The following NID2 variants were observed in gnomAD, a reference collection of about 807,000 sequenced individuals.
NID2 encodes nidogen-2.
Under a neutral mutation model 145.4 loss-of-function variants are expected in NID2, and 83 were observed. The observed-to-expected ratio is 0.57, with a 90% CI of 0.48 to 0.69. The LOEUF (loss-of-function observed/expected upper bound fraction) is 0.69. Among genes scored for constraint, NID2 ranks in the 30% least tolerant of loss-of-function variants. The probability of loss-of-function intolerance (pLI) is 0.00; values close to 1 mark genes in which losing one functional copy is unlikely to be tolerated. For missense variants in NID2, 1,807 were observed against 1,765.7 expected, an observed-to-expected ratio of 1.02 and a Z score of -0.42; for synonymous variants, 739 against 701.3, an observed-to-expected ratio of 1.05 and a Z score of -0.85.
rs1853191626 is a variant in NID2 at position 52,014,267 on chromosome 14, A to G, written c.3420+20T>C. The G allele has an allele frequency of 1.2e-6, 2 of 1,614,032 alleles. No individual in the cohort carries two copies. Among genetic ancestry groups the G allele is most frequent in the African/African-American group, 1.3e-5 (1 of 74,930 alleles). On this transcript the variant is annotated intron_variant, in intron 16 of 21. Coordinates refer to ENST00000216286, the MANE Select transcript of NID2 (RefSeq NM_007361.4). ...GGAAAGCCACGCAGCCCTGCCCCCTACAGGAGAAATCCACTTTACATGCAG... is the reference window on the plus strand; with the variant it reads ...GGAAAGCCACGCAGCCCTGCCCCCTGCAGGAGAAATCCACTTTACATGCAG...
At chr14:52,019,902 A>C (rs751678173) in intron 13 of NID2, among the ~76,000 whole-genome samples, 157 bp downstream of exon 13, 2 of 152,238 alleles carry the variant, frequency 1.3e-5, no homozygotes, top group Non-Finnish European at 2.9e-5. Flanking sequence ...AACTATCAGT[A>C]AACTAGGCAG....
At chr14:52,014,787 T>G (rs1891157892) in intron 15 of NID2, among the ~76,000 whole-genome samples, 1 of 151,904 alleles carries the variant, frequency 6.6e-6, no homozygotes, top group South Asian at 2.1e-4. Context: ...ACGTGTCCCC[T>G]GTCACCCTGG....
intron 18 of NID2, chr14:52,010,170 C>G (rs1031419885): frequency 2.0e-5 from 3 of 152,134 alleles, no homozygotes; most frequent in Admixed American, 6.5e-5. Context: ...AGGCACTGCA[C>G]TAAGTATTTC....
chr14:52,032,450 C>T (rs35392350), intron 9 of NID2, among the ~76,000 whole-genome samples: 13,999 of 152,124 alleles, frequency 0.092, 697 homozygotes, highest in Middle Eastern at 0.14. Flanking sequence ...AAAGAGGCAC[C>T]GCACTGGGGT....
chr14:52,027,468 C>T (rs1566752895), intron 11 of NID2, 124 bp from the exon 12 acceptor site: 1 of 756,498 alleles, frequency 1.3e-6, no homozygotes, highest in Non-Finnish European at 1.9e-6. Context: ...CAGACCCTAC[C>T]CAAGGTCCAG....
At chr14:52,015,381 C>T (rs1381257210) in intron 14 of NID2, 106 bp from the exon 15 acceptor site, 2 of 1,080,490 alleles carry the variant, frequency 1.9e-6, no homozygotes, top group Non-Finnish European at 2.7e-6. Flanking sequence ...GGCCTTCCTT[C>T]TCCTACTGTC....
chr14:52,057,765 T>C (rs1055544761), intron 3 of NID2, among the ~76,000 whole-genome samples: 4 of 147,750 alleles, frequency 2.7e-5, no homozygotes, highest in African/African-American at 1.0e-4. Context: ...AAAATGAATA[T>C]GGCAAAATGT....
At chr14:52,015,433 A>C (rs1891185483) in intron 14 of NID2, among the ~76,000 whole-genome samples, 158 bp from the exon 15 acceptor site, 1 of 152,176 alleles carries the variant, frequency 6.6e-6, no homozygotes, top group African/African-American at 2.4e-5. Flanking sequence ...TTGGGAAGCA[A>C]ATGTGTTCTA....
Position 52,042,900 on chromosome 14 carries a change from G to T in NID2, c.1461C>A (p.Thr487=). 6.2e-7 allele frequency: 1 copy of T among 1,614,196 alleles called. No individual in the cohort carries two copies. Among genetic ancestry groups the T allele is most frequent in the Non-Finnish European group, 8.5e-7 (1 of 1,180,042 alleles). ...VFTYNAANKE[T]CEHNHRQCSR... Reference sequence around the variant, plus strand: ...AGCATTGTCTGTGGTTGTGTTCACAGGTTTCCTTGTTGGCAGCATTATACG... The same window carrying T: ...AGCATTGTCTGTGGTTGTGTTCACATGTTTCCTTGTTGGCAGCATTATACG... The change falls in exon 6 of 22, where the codon ACC becomes ACA. Residue 487 remains threonine (T), a synonymous_variant. Coordinates refer to ENST00000216286, the MANE Select transcript of NID2 (RefSeq NM_007361.4).
At chr14:52,065,456 C>CTT (rs59908743) in intron 2 of NID2, among the ~76,000 whole-genome samples, 2,269 of 128,608 alleles carry the variant, frequency 0.018, 65 homozygotes, top group Admixed American at 0.05. Context: ...ATCCTCCTTT[C>CTT]TTTTTTTTTT....
intron 9 of NID2, among the ~76,000 whole-genome samples, chr14:52,034,048 G>A (rs990018319): frequency 6.6e-6 from 1 of 152,142 alleles, no homozygotes; most frequent in Non-Finnish European, 1.5e-5. Context: ...AGGTCATTGT[G>A]GGGATTAAAT....
chr14:52,035,878 A>ATATATTTATATT (rs58318209), intron 9 of NID2, among the ~76,000 whole-genome samples: 13 of 135,196 alleles, frequency 9.6e-5, no homozygotes, highest in African/African-American at 1.7e-4. Flanking sequence ...ATATATATAT[A>ATATATTTATATT]TGTTTTATTT....
At position 52,054,087 on chromosome 14, in the gene NID2, C is replaced by T. The variant is rs909967770; in HGVS notation, c.1002G>A (p.Glu334=). 1 of 1,614,052 alleles carries T rather than the reference C, an allele frequency of 6.2e-7. No individual in the cohort carries two copies. The highest frequency in any genetic ancestry group is 8.5e-7 in the Non-Finnish European group (1 of 1,180,032). The stretch of plus-strand genomic sequence containing the variant: ...CAATGCTGCTGTGGCCATTCAATGC[C>T]TCCTCTGGTTCACCCGGAAGGTATT... The part of the protein sequence containing the change: ...EAEYLPGEPE[E]ALNGHSSIDV... Residue 334 remains glutamate, a synonymous_variant, in exon 4 of 22, where the codon GAG becomes GAA. Coordinates refer to ENST00000216286, the MANE Select transcript of NID2 (RefSeq NM_007361.4).
chr14:52,049,271 GA>G (rs1167711696), intron 5 of NID2, among the ~76,000 whole-genome samples: 2 of 151,910 alleles, frequency 1.3e-5, no homozygotes, highest in Non-Finnish European at 2.9e-5. Flanking sequence ...AGGAAAGAAA[GA>G]AATGCCCTGC....
At position 52,060,156 on chromosome 14, in the gene NID2, A is replaced by C. The variant is rs747643477; in HGVS notation, c.735T>G (p.Thr245=). The part of the protein sequence containing the change: ...LKSEGPYFSL[T]STEQSVKNLY... ...GATTTTTCACAGACTGTTCAGTGCT[A>C]GTCAAGCTGAAATATGGTCCTTCTG... is the stretch of plus-strand genomic sequence containing the variant. The change falls in exon 3 of 22, where the codon ACT becomes ACG. Residue 245 remains threonine (T), a synonymous_variant. Transcript: ENST00000216286. The C allele has an allele frequency of 1.2e-6, 2 of 1,613,826 alleles. No homozygotes were observed. Among genetic ancestry groups the C allele is most frequent in the Non-Finnish European group, 1.7e-6 (2 of 1,179,758 alleles).
chr14:52,030,683 GAAAAGA>G (rs1744341482), intron 9 of NID2, among the ~76,000 whole-genome samples: 2 of 150,956 alleles, frequency 1.3e-5, no homozygotes, highest in African/African-American at 4.9e-5. Flanking sequence ...GAAAGAAAAG[GAAAAGA>G]AAAGAAAGAA....
At chr14:52,014,235 C>T (rs181148678) in intron 16 of NID2, 52 bp downstream of exon 16, 28 of 1,608,618 alleles carry the variant, frequency 1.7e-5, no homozygotes, top group African/African-American at 1.5e-4. Flanking sequence ...TGAGGTGGCT[C>T]CCACTGGGAA....
chr14:52,039,155 AC>A (rs1892185634), intron 8 of NID2, among the ~76,000 whole-genome samples, 178 bp from the exon 9 acceptor site: 1 of 152,222 alleles, frequency 6.6e-6, no homozygotes, highest in Admixed American at 6.5e-5. Flanking sequence ...ATGCAAAGCC[AC>A]AGTGCTGAGA....
chr14:52,065,279 T>G (rs981641449), intron 2 of NID2, among the ~76,000 whole-genome samples: 1 of 152,150 alleles, frequency 6.6e-6, no homozygotes, highest in Non-Finnish European at 1.5e-5. Flanking sequence ...AAGCCAAACT[T>G]TAAGAACGCC....
Sources: gnomAD v4.1 joint callset for allele counts (sites outside exome capture counted in the v4.1 genomes callset) on GRCh38, gnomAD v4.1.1 for gene constraint, MANE v1.5 for transcripts, NCBI Gene and HGNC (gene_info 2026-07-23, HGNC 2026-07-21) for gene names.